Variants in PIK3C2G observed in about 807,000 individuals in gnomAD.
The protein encoded by PIK3C2G is phosphatidylinositol 3-kinase C2 domain-containing subunit gamma.
In PIK3C2G, 168 loss-of-function variants were observed where a neutral mutation model predicts 181.1. The observed-to-expected ratio is 0.93, with a 90% CI of 0.82 to 1.05. PIK3C2G has a LOEUF of 1.05. Among genes scored for constraint, PIK3C2G ranks in the 50% least tolerant of loss-of-function variants. The pLI is 0.00. For synonymous variants in PIK3C2G, 573 were observed against 592.2 expected (o/e 0.97, Z 0.47); for missense variants, 1,869 against 1,732.8 (o/e 1.08, Z -1.40).
chr12:18,393,845 A>G (rs1191943771), intron 15 of PIK3C2G, among the ~76,000 whole-genome samples: 2 of 152,158 alleles, frequency 1.3e-5, no homozygotes, highest in African/African-American at 4.8e-5. Flanking sequence ...TAAGAAGAGA[A>G]TGCAGCTCCT....
intron 5 of PIK3C2G, among the ~76,000 whole-genome samples, chr12:18,309,860 G>T (rs1315085176): frequency 6.6e-6 from 1 of 151,744 alleles, no homozygotes; most frequent in South Asian, 2.1e-4. Flanking sequence ...TTACTATAAA[G>T]TATATTATGC....
At chr12:18,648,767 C>T (rs956340055), downstream of PIK3C2G, among the ~76,000 whole-genome samples, 3 of 152,072 alleles carry the variant, frequency 2.0e-5, no homozygotes, top group Non-Finnish European at 2.9e-5. Flanking sequence ...TCTGAACCTA[C>T]TTTCGTAGTC....
chr12:18,721,206 T>C, the PIK3C2G span, among the ~76,000 whole-genome samples: 1 of 152,262 alleles, frequency 6.6e-6, no homozygotes, highest in Non-Finnish European at 1.5e-5. Flanking sequence ...TAAACTCATT[T>C]TGTTCCCTTA....
intron 13 of PIK3C2G, among the ~76,000 whole-genome samples, chr12:18,377,025 G>T (rs1486177241): frequency 6.6e-6 from 1 of 152,146 alleles, no homozygotes; most frequent in Non-Finnish European, 1.5e-5. Flanking sequence ...CTACACAACA[G>T]GGTTCCAGCT....
the PIK3C2G span, chr12:18,684,217 T>G: frequency 6.2e-7 from 1 of 1,611,750 alleles, no homozygotes; most frequent in Admixed American, 1.7e-5. Context: ...ACAAAACGTA[T>G]CAATGCCAAT....
At chr12:18,531,771 C>A (rs1474946171) in intron 24 of PIK3C2G, among the ~76,000 whole-genome samples, 1 of 152,150 alleles carries the variant, frequency 6.6e-6, no homozygotes, top group African/African-American at 2.4e-5. Flanking sequence ...TATTGTTTAA[C>A]CATTCACCCA....
At chr12:18,635,815 C>T (rs543106698) in intron 31 of PIK3C2G, among the ~76,000 whole-genome samples, 1 of 152,248 alleles carries the variant, frequency 6.6e-6, no homozygotes, top group East Asian at 1.9e-4. Context: ...AGCAAATGGG[C>T]CAGGCTAACA....
intron 7 of PIK3C2G, among the ~76,000 whole-genome samples, chr12:18,322,036 C>A (rs762103557): frequency 6.6e-6 from 1 of 152,144 alleles, no homozygotes; most frequent in Non-Finnish European, 1.5e-5. Context: ...CCATTGCGCA[C>A]GTTTACCTAT....
At chr12:18,267,722 T>C (rs972659870) in intron 1 of PIK3C2G, among the ~76,000 whole-genome samples, 11 of 152,224 alleles carry the variant, frequency 7.2e-5, no homozygotes, top group African/African-American at 2.7e-4. Flanking sequence ...TTCATCTATA[T>C]TGCTTTCATG....
chr12:18,552,860 A>G (rs147480802), intron 26 of PIK3C2G, among the ~76,000 whole-genome samples: 1 of 152,232 alleles, frequency 6.6e-6, no homozygotes, highest in East Asian at 1.9e-4. Context: ...ATTTGCCTAA[A>G]TTGCCTAAAT....
the PIK3C2G span, chr12:18,688,194 G>C: frequency 6.2e-7 from 1 of 1,610,084 alleles, no homozygotes; most frequent in Non-Finnish European, 8.5e-7. Context: ...GAATGAGTAA[G>C]AGGCAACTGG....
intron 29 of PIK3C2G, among the ~76,000 whole-genome samples, chr12:18,580,031 G>A (rs1946416361): frequency 6.6e-6 from 1 of 151,940 alleles, no homozygotes; most frequent in South Asian, 2.1e-4. Context: ...TACTTGGGAG[G>A]CTGAGGCAGG....
chr12:18,358,553 A>C, intron 11 of PIK3C2G: 1 of 372,046 alleles, frequency 2.7e-6, no homozygotes, highest in Non-Finnish European at 5.2e-6. Context: ...TCTGCCACTG[A>C]AGCAGTGAGG....
At chr12:18,715,559 G>C in the PIK3C2G span, 1 of 151,974 alleles carries the variant, frequency 6.6e-6, no homozygotes, top group South Asian at 2.1e-4. Flanking sequence ...CCACCACCAC[G>C]CCTGGCTAAT....
chr12:18,614,004 G>C (rs1317493797), intron 31 of PIK3C2G, among the ~76,000 whole-genome samples: 1 of 151,914 alleles, frequency 6.6e-6, no homozygotes, highest in Non-Finnish European at 1.5e-5. Context: ...AATTAACTTG[G>C]CTGAGTCCTC....
intron 18 of PIK3C2G, among the ~76,000 whole-genome samples, chr12:18,477,261 G>A (rs1319377623): frequency 6.6e-6 from 1 of 152,102 alleles, no homozygotes; most frequent in Non-Finnish European, 1.5e-5. Context: ...TTTTGGGAGA[G>A]GACACAATTC....
chr12:18,600,612 A>G (rs1565549767), intron 30 of PIK3C2G, among the ~76,000 whole-genome samples: 2 of 152,214 alleles, frequency 1.3e-5, no homozygotes, highest in East Asian at 3.9e-4. Context: ...TATTAATACA[A>G]AAGGAAATGC....
chr12:18,391,285 G>A, intron 15 of PIK3C2G, 33 bp downstream of exon 15: 1 of 1,512,350 alleles, frequency 6.6e-7, no homozygotes, highest in Non-Finnish European at 8.9e-7. Flanking sequence ...ATGAATTTTT[G>A]CCTGCTGTTT....
intron 24 of PIK3C2G, among the ~76,000 whole-genome samples, chr12:18,510,920 A>G (rs1004085019): frequency 2.0e-5 from 3 of 152,264 alleles, no homozygotes; most frequent in Non-Finnish European, 2.9e-5. Context: ...CTGATGGACA[A>G]TAGATCTAAA....
Sources: allele counts gnomAD v4.1 joint callset (sites outside exome capture counted in the v4.1 genomes callset), GRCh38; gene constraint gnomAD v4.1.1; transcripts MANE v1.5; gene names NCBI Gene and HGNC (gene_info 2026-07-23, HGNC 2026-07-21).